CCNY: variants seen among roughly 807,000 people sequenced by gnomAD.
The protein encoded by CCNY is cyclin Y, also known as cyclin-Y.
A neutral mutation model predicts 42.8 loss-of-function variants in CCNY; 19 were observed. The observed-to-expected ratio is 0.44, with a 90% CI of 0.31 to 0.65. The LOEUF (loss-of-function observed/expected upper bound fraction) is 0.65. Among genes scored for constraint, CCNY ranks in the 30% least tolerant of loss-of-function variants. CCNY has a pLI of 0.07. For missense variants in CCNY, 370 were observed against 437.3 expected (o/e 0.85, Z 1.37); for synonymous variants, 165 against 162.7 (o/e 1.01, Z -0.11).
At chr10:35,422,038 C>G (rs997944052) in intron 1 of CCNY, among the ~76,000 whole-genome samples, 2 of 152,176 alleles carry the variant, frequency 1.3e-5, no homozygotes, top group Admixed American at 1.3e-4. Context: ...GTCAGAAAAG[C>G]TGGCTCCTGA....
chr10:35,394,038 T>A (rs1589086760), intron 1 of CCNY, among the ~76,000 whole-genome samples: 1 of 152,370 alleles, frequency 6.6e-6, no homozygotes, highest in East Asian at 1.9e-4. Context: ...TGAGCCTTTC[T>A]TTGCCAGTGT....
intron 3 of CCNY, 75 bp from the exon 4 acceptor site, chr10:35,516,448 A>T: frequency 1.0e-6 from 1 of 963,642 alleles, no homozygotes; most frequent in South Asian, 1.3e-5. Context: ...ATCTCAAGTT[A>T]AGCGGGGGTG....
intron 3 of CCNY, among the ~76,000 whole-genome samples, chr10:35,261,712 A>T (rs965085910): frequency 1.3e-5 from 2 of 152,074 alleles, no homozygotes; most frequent in Non-Finnish European, 2.9e-5. Flanking sequence ...CTCTAAAAAA[A>T]TTTAACGGAA....
intron 3 of CCNY, among the ~76,000 whole-genome samples, chr10:35,280,352 GGAAA>G (rs112469322): frequency 9.2e-5 from 12 of 130,492 alleles, no homozygotes; most frequent in Non-Finnish European, 1.6e-4. Flanking sequence ...AAAGGAAGAA[GGAAA>G]GAAAGAAAGG....
intron 1 of CCNY, among the ~76,000 whole-genome samples, chr10:35,407,812 A>C (rs1352955413): frequency 1.3e-5 from 2 of 152,114 alleles, no homozygotes; most frequent in Middle Eastern, 3.2e-3. Flanking sequence ...CAGCCAAAGC[A>C]GGCGTCTCCG....
chr10:35,509,766 A>C (rs1840288382), intron 3 of CCNY, among the ~76,000 whole-genome samples: 1 of 152,220 alleles, frequency 6.6e-6, no homozygotes, highest in Non-Finnish European at 1.5e-5. Flanking sequence ...CTGTGAGCAC[A>C]CCTGCTCTTG....
At chr10:35,264,647 T>TTTTTGTTTTG (rs1331398358) in intron 3 of CCNY, among the ~76,000 whole-genome samples, 5 of 152,088 alleles carry the variant, frequency 3.3e-5, no homozygotes, top group Non-Finnish European at 7.4e-5. Context: ...TTTGCCCAGT[T>TTTTTGTTTTG]TTTTGTTTTG....
intron 1 of CCNY, among the ~76,000 whole-genome samples, chr10:35,465,409 T>G (rs567583835): frequency 1.3e-5 from 2 of 152,342 alleles, no homozygotes; most frequent in South Asian, 4.1e-4. Context: ...CTCTTCTCCT[T>G]TCTCTGAATT....
intron 3 of CCNY, among the ~76,000 whole-genome samples, chr10:35,308,113 G>A (rs1228871487): frequency 2.7e-5 from 4 of 150,018 alleles, no homozygotes; most frequent in Non-Finnish European, 5.9e-5. Flanking sequence ...CACCGTGCCC[G>A]GCCGAGGTAG....
chr10:35,280,567 G>A (rs1835289369), intron 3 of CCNY, among the ~76,000 whole-genome samples: 3 of 152,102 alleles, frequency 2.0e-5, no homozygotes, highest in African/African-American at 7.2e-5. Context: ...AAAGAATGAA[G>A]TTGGACCCTT....
chr10:35,348,422 G>A (rs1836353860), intron 1 of CCNY, among the ~76,000 whole-genome samples: 1 of 152,204 alleles, frequency 6.6e-6, no homozygotes, highest in Non-Finnish European at 1.5e-5. Flanking sequence ...GAGGAAGATT[G>A]TTGGTTCCGT....
intron 3 of CCNY, among the ~76,000 whole-genome samples, chr10:35,307,715 T>C (rs944896371): frequency 8.0e-5 from 12 of 150,694 alleles, no homozygotes; most frequent in Non-Finnish European, 8.9e-5. Context: ...TGTATATATA[T>C]ACACACACAC....
At chr10:35,553,836 G>A (rs540737956) in intron 8 of CCNY, among the ~76,000 whole-genome samples, 1 of 152,232 alleles carries the variant, frequency 6.6e-6, no homozygotes, top group African/African-American at 2.4e-5. Context: ...TTCAATTTAG[G>A]TGAGGATTAT....
chr10:35,558,344 A>T (rs1841401003), intron 8 of CCNY, among the ~76,000 whole-genome samples: 1 of 152,246 alleles, frequency 6.6e-6, no homozygotes, highest in Non-Finnish European at 1.5e-5. Context: ...TTCTCCAGCA[A>T]GTCAGTTTTA....
At chr10:35,366,704 C>T (rs920100843) in intron 1 of CCNY, among the ~76,000 whole-genome samples, 1 of 152,218 alleles carries the variant, frequency 6.6e-6, no homozygotes. Flanking sequence ...TGTTCTACAG[C>T]AGCACTGTTA....
intron 3 of CCNY, among the ~76,000 whole-genome samples, chr10:35,256,821 A>T (rs1404660715): frequency 6.6e-6 from 1 of 152,040 alleles, no homozygotes; most frequent in Non-Finnish European, 1.5e-5. Context: ...ACGAAATTAC[A>T]TGTTTATAAT....
chr10:35,515,541 G>A (rs1471810545), intron 3 of CCNY, among the ~76,000 whole-genome samples: 1 of 152,136 alleles, frequency 6.6e-6, no homozygotes, highest in Non-Finnish European at 1.5e-5. Context: ...TACACCCAGG[G>A]TGTGTTGCAG....
intron 1 of CCNY, among the ~76,000 whole-genome samples, chr10:35,418,484 G>A (rs1838075358): frequency 1.3e-5 from 2 of 152,216 alleles, no homozygotes; most frequent in African/African-American, 4.8e-5. Flanking sequence ...AGCAGTGGGA[G>A]CCATGTCCTA....
chr10:35,446,173 T>G (rs1838786147), intron 1 of CCNY, among the ~76,000 whole-genome samples: 1 of 152,222 alleles, frequency 6.6e-6, no homozygotes, highest in South Asian at 2.1e-4. Context: ...CTCTGTTGAT[T>G]GTTTGCTGAT....
Sources: gnomAD v4.1 joint callset for allele counts (sites outside exome capture counted in the v4.1 genomes callset) on GRCh38, gnomAD v4.1.1 for gene constraint, MANE v1.5 for transcripts, NCBI Gene and HGNC (gene_info 2026-07-23, HGNC 2026-07-21) for gene names.